Variants in SUPT3H observed in about 807,000 individuals in gnomAD.
SUPT3H encodes transcription initiation protein SPT3 homolog.
A neutral mutation model predicts 44.3 loss-of-function variants in SUPT3H; 44 were observed. The ratio of observed to expected loss-of-function variants is 0.99; its 90% CI spans 0.78 to 1.28. The LOEUF (loss-of-function observed/expected upper bound fraction) is 1.28. Ranked by LOEUF, SUPT3H falls within the 50% of genes most tolerant of loss-of-function variation. The pLI, the probability that SUPT3H is intolerant of heterozygous loss-of-function variation, is 0.00. For missense variants in SUPT3H, 380 were observed against 387.1 expected, an observed-to-expected ratio of 0.98 and a Z score of 0.15; for synonymous variants, 124 against 125.6, an observed-to-expected ratio of 0.99 and a Z score of 0.09.
intron 2 of SUPT3H, among the ~76,000 whole-genome samples, chr6:45,106,686 G>A (rs562191095): frequency 6.6e-6 from 1 of 152,078 alleles, no homozygotes; most frequent in South Asian, 2.1e-4. Flanking sequence ...ACAGGCGCGT[G>A]CCACCACACC....
intron 10 of SUPT3H, among the ~76,000 whole-genome samples, chr6:44,901,367 G>A (rs1348715544): frequency 1.3e-5 from 2 of 152,176 alleles, no homozygotes; most frequent in Non-Finnish European, 2.9e-5. Context: ...CAAGAACTAC[G>A]TGACGAATGC....
At chr6:45,013,388 T>C (rs1783781535) in intron 5 of SUPT3H, among the ~76,000 whole-genome samples, 1 of 151,994 alleles carries the variant, frequency 6.6e-6, no homozygotes, top group Non-Finnish European at 1.5e-5. Context: ...TTCCAAGCAG[T>C]GACGTGGAAG....
intron 3 of SUPT3H, among the ~76,000 whole-genome samples, chr6:45,087,195 A>T (rs1196085733): frequency 6.6e-6 from 1 of 152,004 alleles, no homozygotes; most frequent in Admixed American, 6.6e-5. Context: ...GTTAAAGTGC[A>T]GAACTACTAT....
At chr6:44,991,069 T>C (rs1410627741) in intron 6 of SUPT3H, among the ~76,000 whole-genome samples, 1 of 152,128 alleles carries the variant, frequency 6.6e-6, no homozygotes, top group South Asian at 2.1e-4. Context: ...CTTCTACTAT[T>C]TGAGGTGAGA....
Position 45,357,210 on chromosome 6 carries a change from T to A in SUPT3H, c.101+7991A>T, listed in dbSNP as rs184007610. Among the ~76,000 whole-genome samples the A allele has an allele frequency of 2.8e-3, 426 of 152,232 alleles. 3 individuals are homozygous for A. The highest frequency in any genetic ancestry group is 9.7e-3 in the African/African-American group (405 of 41,540). ...TTTTAGTAGAGACGGGGTTTCACCA[T>A]GTTAGCCAGGATGGTCTCAATCTCC... On this transcript the variant is annotated intron_variant, in intron 2 of 10. Transcript: ENST00000371459.
At chr6:44,872,391 C>T (rs1776537743) in intron 10 of SUPT3H, among the ~76,000 whole-genome samples, 1 of 106,752 alleles carries the variant, frequency 9.4e-6, no homozygotes, top group Non-Finnish European at 1.9e-5. Flanking sequence ...TCATATCCAG[C>T]CAAACTAAAC....
chr6:45,162,936 A>T (rs140715629), intron 2 of SUPT3H, among the ~76,000 whole-genome samples: 93 of 152,274 alleles, frequency 6.1e-4, no homozygotes, highest in African/African-American at 2.1e-3. Flanking sequence ...TATTCCAAAG[A>T]CTGTCTGCAT....
At chr6:44,981,379 CA>C (rs1779073184) in intron 6 of SUPT3H, among the ~76,000 whole-genome samples, 1 of 152,006 alleles carries the variant, frequency 6.6e-6, no homozygotes, top group Non-Finnish European at 1.5e-5. Flanking sequence ...ATGAATAAAG[CA>C]AATGACATTT....
At chr6:44,908,573 T>C (rs1196790384) in intron 10 of SUPT3H, among the ~76,000 whole-genome samples, 1 of 152,154 alleles carries the variant, frequency 6.6e-6, no homozygotes, top group Non-Finnish European at 1.5e-5. Flanking sequence ...TTCACACTGG[T>C]ACTATGGGGA....
At chr6:45,230,623 G>A (rs1205651900) in intron 2 of SUPT3H, among the ~76,000 whole-genome samples, 1 of 125,728 alleles carries the variant, frequency 8.0e-6, no homozygotes, top group Non-Finnish European at 1.7e-5. Context: ...ACTTCTGGTA[G>A]TAAACATATA....
chr6:44,870,940 C>CAATG, intron 10 of SUPT3H, among the ~76,000 whole-genome samples: 1 of 151,584 alleles, frequency 6.6e-6, no homozygotes, highest in South Asian at 2.1e-4. Flanking sequence ...CTTTTCAGAC[C>CAATG]GGCTTAAAAA....
At chr6:44,883,908 A>G (rs1314531196) in intron 10 of SUPT3H, among the ~76,000 whole-genome samples, 1 of 152,210 alleles carries the variant, frequency 6.6e-6, no homozygotes, top group African/African-American at 2.4e-5. Context: ...ACCTAAAACC[A>G]TAAAAACCCT....
intron 10 of SUPT3H, among the ~76,000 whole-genome samples, chr6:44,900,810 C>A (rs1015385432): frequency 3.9e-5 from 6 of 152,184 alleles, no homozygotes; most frequent in African/African-American, 1.4e-4. Context: ...GCCGGGTACT[C>A]CCCTGAGACA....
At chr6:45,232,449 A>G (rs1223283240) in intron 2 of SUPT3H, among the ~76,000 whole-genome samples, 1 of 152,150 alleles carries the variant, frequency 6.6e-6, no homozygotes, top group Non-Finnish European at 1.5e-5. Context: ...GGCAGTGATG[A>G]GCTGACTGTG....
intron 10 of SUPT3H, among the ~76,000 whole-genome samples, chr6:44,915,817 T>C (rs150448125): frequency 4.8e-4 from 73 of 152,304 alleles, no homozygotes; most frequent in African/African-American, 1.7e-3. Context: ...CCCGCCTTTC[T>C]GGACCAGACC....
intron 10 of SUPT3H, among the ~76,000 whole-genome samples, chr6:44,927,837 T>C (rs764424168): frequency 2.0e-5 from 3 of 152,348 alleles, no homozygotes; most frequent in Admixed American, 6.5e-5. Flanking sequence ...TCCGGGCTTA[T>C]AGAGTAAGGC....
At chr6:44,893,116 G>T (rs955918437) in intron 10 of SUPT3H, among the ~76,000 whole-genome samples, 41 of 152,182 alleles carry the variant, frequency 2.7e-4, no homozygotes, top group Admixed American at 2.2e-3. Flanking sequence ...TACAGCAGAG[G>T]CCTGTGTGCC....
At chr6:44,974,718 C>T (rs957040392) in intron 6 of SUPT3H, among the ~76,000 whole-genome samples, 3 of 152,142 alleles carry the variant, frequency 2.0e-5, no homozygotes, top group Non-Finnish European at 4.4e-5. Context: ...AAATGACAGG[C>T]TATCTATAAA....
At chr6:44,954,361 TGATGTAAATGCCACAG>T in intron 8 of SUPT3H, 118 bp downstream of exon 8, 1 of 719,002 alleles carries the variant, frequency 1.4e-6, no homozygotes, top group South Asian at 1.6e-5. Context: ...TTTTAGAAAA[TGATGTAAATGCCACAG>T]GAGAGAATTC....
Sources: allele counts gnomAD v4.1 joint callset (sites outside exome capture counted in the v4.1 genomes callset), GRCh38; gene constraint gnomAD v4.1.1; transcripts MANE v1.5; gene names NCBI Gene and HGNC (gene_info 2026-07-23, HGNC 2026-07-21).